Variants in APLP2 observed in about 807,000 individuals in gnomAD.
The protein encoded by APLP2 is CDEI box-binding protein.
APLP2 carries 53 observed loss-of-function variants against 89.9 expected under a neutral mutation model. The ratio of observed to expected loss-of-function variants is 0.59; its 90% CI spans 0.47 to 0.74. APLP2 has a LOEUF of 0.74. APLP2 is among the 30% of genes least tolerant of loss of function. APLP2 has a pLI of 0.00. For missense variants in APLP2, 973 were observed against 975.9 expected, an observed-to-expected ratio of 1.00 and a Z score of 0.04; for synonymous variants, 372 against 348.6, an observed-to-expected ratio of 1.07 and a Z score of -0.75.
At chr11:130,109,934 A>G (rs1450771916) in intron 2 of APLP2, 1 of 240,224 alleles carries the variant, frequency 4.2e-6, no homozygotes, top group African/African-American at 2.3e-5. Context: ...AGCCACCAGT[A>G]TTGTAAAGGA....
intron 1 of APLP2, among the ~76,000 whole-genome samples, chr11:130,087,884 G>C (rs1944367989): frequency 6.6e-6 from 1 of 152,040 alleles, no homozygotes; most frequent in South Asian, 2.1e-4. Flanking sequence ...CTTGTGAATT[G>C]ATAAAAGTCA....
intron 5 of APLP2, 143 bp downstream of exon 5, chr11:130,121,953 A>G (rs1949875270): frequency 7.6e-7 from 1 of 1,309,956 alleles, no homozygotes; most frequent in Admixed American, 2.3e-5. Flanking sequence ...CTTGCATTTC[A>G]TTCTAGCCAT....
Position 130,087,009 on chromosome 11 carries a change from A to T in APLP2, c.105+16927A>T, listed in dbSNP as rs74628477. Among the ~76,000 whole-genome samples, 5 of 152,336 alleles carry T rather than the reference A, an allele frequency of 3.3e-5. No individual in the cohort carries two copies. In the East Asian group the frequency reaches 9.6e-4, roughly 29 times the overall value. On this transcript the variant is annotated intron_variant, in intron 1 of 16. Transcript: ENST00000338167. The stretch of plus-strand genomic sequence containing the variant: ...AAACAAAACAAAACCCTGTTGGGCT[A>T]TTAAGTATTGCATTGAATCTGTAGA...
chr11:130,085,577 AG>A (rs1187240036), intron 1 of APLP2, among the ~76,000 whole-genome samples: 1 of 152,254 alleles, frequency 6.6e-6, no homozygotes, highest in Admixed American at 6.5e-5. Flanking sequence ...TCCTTCTCAT[AG>A]TCTTCCAAAA....
At chr11:130,083,833 G>C (rs902259849) in intron 1 of APLP2, among the ~76,000 whole-genome samples, 13 of 152,108 alleles carry the variant, frequency 8.5e-5, no homozygotes, top group Non-Finnish European at 1.6e-4. Flanking sequence ...TAATTCTTTT[G>C]CTGTATACCC....
At chr11:130,135,806 G>T in intron 13 of APLP2, 91 bp downstream of exon 13, 1 of 1,482,190 alleles carries the variant, frequency 6.7e-7, no homozygotes, top group Non-Finnish European at 9.2e-7. Flanking sequence ...AAATTGAGTT[G>T]GGAGATGGTG....
chr11:130,097,287 C>T (rs1176543811), intron 1 of APLP2, among the ~76,000 whole-genome samples: 2 of 152,216 alleles, frequency 1.3e-5, no homozygotes, highest in Non-Finnish European at 2.9e-5. Context: ...TGTAAAGTTT[C>T]TCTCTCCCTG....
intron 1 of APLP2, among the ~76,000 whole-genome samples, chr11:130,099,765 CAT>C (rs1382895141): frequency 2.6e-5 from 4 of 152,198 alleles, no homozygotes; most frequent in Non-Finnish European, 5.9e-5. Flanking sequence ...GATGGCCAGT[CAT>C]GTGGGGACTT....
intron 7 of APLP2, among the ~76,000 whole-genome samples, chr11:130,124,103 C>T (rs1290603808): frequency 1.3e-5 from 2 of 152,096 alleles, no homozygotes; most frequent in African/African-American, 4.8e-5. Flanking sequence ...GTCCCCAGGC[C>T]ACTGTAGTAT....
In APLP2 at chr11:130,110,599, A is replaced by G. The variant is rs1186149456; in HGVS notation, c.341A>G (p.Asn114Ser). The change falls in exon 3 of 17, where the codon AAC (asparagine) becomes AGC (serine). Residue 114 changes from asparagine to serine, a missense_variant. Transcript: ENST00000338167. ...MEANQRVSID[N>S]WCRRDKKQCK... Reference sequence around the variant, plus strand: ...GCAAACCAGCGGGTTAGTATTGACAACTGGTGCCGGAGGGACAAAAAGCAA... The same window carrying G: ...GCAAACCAGCGGGTTAGTATTGACAGCTGGTGCCGGAGGGACAAAAAGCAA... 8.1e-6 allele frequency: 13 copies of G among 1,613,828 alleles called. No homozygotes were observed. Among genetic ancestry groups the G allele is most frequent in the Non-Finnish European group, 1.1e-5 (13 of 1,179,970 alleles).
At position 130,123,593 on chromosome 11, in the gene APLP2, T is replaced by A. The variant is rs748366525; in HGVS notation, c.923-19T>A. On this transcript the variant is annotated intron_variant, in intron 6 of 16. Transcript: ENST00000338167. The surrounding 1 kb of genome is among the most constrained non-coding windows in gnomAD (Gnocchi z 4.0). ...GTCACTGCCTCTGTCCTGCTGACAC[T>A]CTGACCATTTTCACACAGCTGTCTG... is the stretch of plus-strand genomic sequence containing the variant. 6.2e-7 allele frequency: 1 copy of A among 1,608,922 alleles called. No individual in the cohort carries two copies. Among genetic ancestry groups the A allele is most frequent in the South Asian group, 1.1e-5 (1 of 90,580 alleles).
chr11:130,090,417 G>A (rs1404095779), intron 1 of APLP2, among the ~76,000 whole-genome samples: 3 of 150,034 alleles, frequency 2.0e-5, no homozygotes, highest in South Asian at 2.1e-4. Context: ...GCGGCCTTCC[G>A]CAGTGTTTGT....
chr11:130,088,528 T>C (rs1350773711), intron 1 of APLP2, among the ~76,000 whole-genome samples: 2 of 152,082 alleles, frequency 1.3e-5, no homozygotes, highest in Non-Finnish European at 2.9e-5. Flanking sequence ...ATACTCATGC[T>C]TGCTCCAGAG....
At chr11:130,087,644 G>A (rs912274467) in intron 1 of APLP2, among the ~76,000 whole-genome samples, 4 of 152,110 alleles carry the variant, frequency 2.6e-5, no homozygotes, top group African/African-American at 9.7e-5. Context: ...TAACACCATG[G>A]CAGGTTTCAA....
rs755342293 is a variant in APLP2, at chr11:130,109,530, A to G, written c.207A>G (p.Lys69=). 10 of 1,613,814 alleles carry G rather than the reference A, an allele frequency of 6.2e-6. No individual in the cohort carries two copies. The African/African-American group carries it at 1.2e-4, about 19-fold the overall frequency. ...TGCATGTGAACATTCAGACTGGGAA[A>G]TGGGAACCTGATCCAACAGGCACCA... ...LNMHVNIQTG[K]WEPDPTGTKS... The change falls in exon 2 of 17, where the codon AAA becomes AAG. Residue 69 remains lysine, a synonymous_variant. Transcript: ENST00000338167.
At chr11:130,139,228 G>A (rs1952044770) in intron 13 of APLP2, 2 of 152,222 alleles carry the variant, frequency 1.3e-5, no homozygotes, top group Admixed American at 6.5e-5. Context: ...TAGCCTGCAT[G>A]TTCAGCAGCT....
At chr11:130,078,632 T>C (rs1319544255) in intron 1 of APLP2, among the ~76,000 whole-genome samples, 1 of 152,178 alleles carries the variant, frequency 6.6e-6, no homozygotes, top group Non-Finnish European at 1.5e-5. Context: ...TTTATCTGGA[T>C]TTTTGTGTAG....
At chr11:130,076,948 G>A (rs1942246646) in intron 1 of APLP2, among the ~76,000 whole-genome samples, 1 of 152,226 alleles carries the variant, frequency 6.6e-6, no homozygotes, top group African/African-American at 2.4e-5. Context: ...TTGGAAGCAT[G>A]TGGCCAGGAG....
chr11:130,076,927 A>G (rs373357234), intron 1 of APLP2, among the ~76,000 whole-genome samples: 2 of 152,218 alleles, frequency 1.3e-5, no homozygotes, highest in East Asian at 3.8e-4. Context: ...TTGACTTCTC[A>G]GGGCCTGCTT....
Sources: allele counts gnomAD v4.1 joint callset (sites outside exome capture counted in the v4.1 genomes callset), GRCh38; gene constraint gnomAD v4.1.1; non-coding constraint Gnocchi (gnomAD v3.1); transcripts MANE v1.5; gene names NCBI Gene and HGNC (gene_info 2026-07-23, HGNC 2026-07-21).